The following WDR70 variants were observed in gnomAD, a reference collection of about 807,000 sequenced individuals.
WDR70 encodes the protein WD repeat-containing protein 70.
Under a neutral mutation model 88.6 loss-of-function variants are expected in WDR70, and 53 were observed. The ratio of observed to expected loss-of-function variants is 0.60; its 90% CI spans 0.48 to 0.75. The LOEUF (loss-of-function observed/expected upper bound fraction) is 0.75, where lower values mean the gene tolerates loss of function less well. Ranked by LOEUF, WDR70 falls within the 30% of genes least tolerant of loss-of-function variation. The pLI, the probability that WDR70 is intolerant of heterozygous loss-of-function variation, is 0.00. For synonymous variants in WDR70, 280 were observed against 270.0 expected, an observed-to-expected ratio of 1.04 and a Z score of -0.36; for missense variants, 610 against 823.2, an observed-to-expected ratio of 0.74 and a Z score of 3.17.
intron 10 of WDR70, among the ~76,000 whole-genome samples, chr5:37,622,241 A>T (rs1744527635): frequency 6.6e-6 from 1 of 152,080 alleles, no homozygotes; most frequent in Non-Finnish European, 1.5e-5. Flanking sequence ...GTCAGGAAAC[A>T]ACAGGTGCTG....
intron 5 of WDR70, among the ~76,000 whole-genome samples, chr5:37,417,951 G>A (rs888594773): frequency 1.3e-5 from 2 of 152,160 alleles, no homozygotes; most frequent in Admixed American, 6.6e-5. Flanking sequence ...AAGTAAGTGC[G>A]CCATTAAGTA....
chr5:37,393,427 C>T (rs1490832585), intron 4 of WDR70, among the ~76,000 whole-genome samples: 1 of 152,004 alleles, frequency 6.6e-6, no homozygotes, highest in Non-Finnish European at 1.5e-5. Context: ...TTGCTTTATT[C>T]TTTGCCTAGT....
chr5:37,484,380 C>G (rs529188879), intron 8 of WDR70, among the ~76,000 whole-genome samples: 2 of 152,326 alleles, frequency 1.3e-5, no homozygotes, highest in African/African-American at 4.8e-5. Context: ...CAGCGAAACC[C>G]TGTCTCCACC....
Position 37,752,613 on chromosome 5 carries a change from T to G in WDR70, c.*40T>G. 9.9e-6 allele frequency: 14 copies of G among 1,420,048 alleles called. No homozygotes were observed. The highest frequency in any genetic ancestry group is 1.4e-5 in the African/African-American group (1 of 69,502). 88.0% of individuals were successfully genotyped at this position (1,420,048 alleles called of 1,614,324 possible). ...GAGCTGTTTGCATGAGTGGGAGGGG[T>G]ATGGGACAGGTTTGGGTTTTTTTTT... On this transcript the variant is annotated 3_prime_UTR_variant, in exon 18 of 18. Coordinates refer to ENST00000265107, the MANE Select transcript of WDR70 (RefSeq NM_018034.4).
chr5:37,392,929 G>A (rs1748887562), intron 4 of WDR70, among the ~76,000 whole-genome samples: 2 of 152,116 alleles, frequency 1.3e-5, no homozygotes, highest in Non-Finnish European at 2.9e-5. Flanking sequence ...ATAGGTGTGA[G>A]CCACCGTGCC....
Position 37,553,657 on chromosome 5 carries a change from A to G in WDR70, c.917+37067A>G, listed in dbSNP as rs116401933. ...ACCACCTTTATTGAGTGTGGTACGC[A>G]GTCACAAGTTCATTATTGTGTCTTT... On this transcript the variant is annotated intron_variant, in intron 9 of 17. Transcript: ENST00000265107. Among the ~76,000 whole-genome samples, 496 of 152,324 alleles carry G rather than the reference A, an allele frequency of 3.3e-3. 6 individuals carry two copies. Among genetic ancestry groups the G allele is most frequent in the African/African-American group, 0.012 (482 of 41,572 alleles).
At chr5:37,621,944 T>G (rs538056954) in intron 10 of WDR70, among the ~76,000 whole-genome samples, 6 of 152,314 alleles carry the variant, frequency 3.9e-5, no homozygotes, top group East Asian at 1.9e-4. Flanking sequence ...GCTTTCTACA[T>G]ATGGCTAGCC....
At chr5:37,697,037 A>C (rs1747005101) in intron 10 of WDR70, among the ~76,000 whole-genome samples, 1 of 152,206 alleles carries the variant, frequency 6.6e-6, no homozygotes, top group South Asian at 2.1e-4. Context: ...TCAGTTTCTC[A>C]AACTATAAAA....
chr5:37,608,046 T>C (rs902429371), intron 10 of WDR70, among the ~76,000 whole-genome samples: 31 of 148,716 alleles, frequency 2.1e-4, no homozygotes, highest in African/African-American at 7.4e-4. Flanking sequence ...CTCTTTTTTT[T>C]TTTTTTTTTT....
intron 10 of WDR70, among the ~76,000 whole-genome samples, chr5:37,635,688 A>G (rs1744943096): frequency 6.6e-6 from 1 of 152,188 alleles, no homozygotes; most frequent in African/African-American, 2.4e-5. Flanking sequence ...TGTAGTAAAG[A>G]TAATTGACAA....
intron 10 of WDR70, among the ~76,000 whole-genome samples, chr5:37,629,269 G>A (rs912714599): frequency 1.3e-5 from 2 of 152,104 alleles, no homozygotes; most frequent in African/African-American, 4.8e-5. Context: ...ACCTGTTTGG[G>A]TTGAATCTGT....
chr5:37,573,541 C>G (rs1212158673), intron 9 of WDR70, among the ~76,000 whole-genome samples: 3 of 138,034 alleles, frequency 2.2e-5, no homozygotes, highest in African/African-American at 8.0e-5. Context: ...TCCCCCCACC[C>G]CACAACAGCC....
At chr5:37,679,430 T>C (rs1287516767) in intron 10 of WDR70, among the ~76,000 whole-genome samples, 1 of 151,998 alleles carries the variant, frequency 6.6e-6, no homozygotes, top group Non-Finnish European at 1.5e-5. Context: ...CCTTTCTGTT[T>C]GTTAGTTTTC....
chr5:37,415,687 G>C (rs1749709933), intron 5 of WDR70, among the ~76,000 whole-genome samples: 1 of 151,088 alleles, frequency 6.6e-6, no homozygotes, highest in Non-Finnish European at 1.5e-5. Flanking sequence ...CCCTCCCGCC[G>C]GGCGGAGGGG....
rs1038738973 is a variant in WDR70, at chr5:37,704,590, A to G, written c.1416+1503A>G. 2.6e-5 allele frequency among the ~76,000 whole-genome samples: 4 copies of G among 152,054 alleles called. No homozygotes were observed. The East Asian group carries it at 7.7e-4, about 29-fold the overall frequency. ...CTTACCACTGCCTCATATATTGTAT[A>G]TTTGTTTGGTTTCGTCTGTCTTCTT... On this transcript the variant is annotated intron_variant, in intron 13 of 17. Coordinates refer to ENST00000265107, the MANE Select transcript of WDR70 (RefSeq NM_018034.4).
At chr5:37,420,560 C>T (rs951004320) in intron 5 of WDR70, among the ~76,000 whole-genome samples, 1 of 152,118 alleles carries the variant, frequency 6.6e-6, no homozygotes, top group African/African-American at 2.4e-5. Flanking sequence ...CTGCTCTAGC[C>T]TCCTGAGCAG....
chr5:37,473,469 G>A (rs1300340630), intron 7 of WDR70, among the ~76,000 whole-genome samples: 3 of 151,252 alleles, frequency 2.0e-5, no homozygotes, highest in African/African-American at 7.3e-5. Context: ...TCAGCCTCCT[G>A]AGTAGCTGGA....
chr5:37,515,138 A>T (rs551316812), intron 8 of WDR70, among the ~76,000 whole-genome samples: 35 of 152,360 alleles, frequency 2.3e-4, no homozygotes, highest in African/African-American at 8.4e-4. Flanking sequence ...GATGAAAAAG[A>T]GAAAAGTGAA....
chr5:37,679,055 G>C (rs1311295294), intron 10 of WDR70, among the ~76,000 whole-genome samples: 1 of 110,912 alleles, frequency 9.0e-6, no homozygotes, highest in Non-Finnish European at 2.0e-5. Context: ...TCTTCACGTA[G>C]TTCTCGAGCC....
Sources: gnomAD v4.1 joint callset for allele counts (sites outside exome capture counted in the v4.1 genomes callset) on GRCh38, gnomAD v4.1.1 for gene constraint, MANE v1.5 for transcripts, NCBI Gene and HGNC (gene_info 2026-07-23, HGNC 2026-07-21) for gene names.